The following CACNB1 variants were observed in gnomAD, a reference collection of about 807,000 sequenced individuals.
CACNB1 encodes voltage-dependent L-type calcium channel subunit beta-1.
In CACNB1, 29 loss-of-function variants were observed where a neutral mutation model predicts 71.6. The observed-to-expected ratio is 0.40, with a 90% CI of 0.30 to 0.55. CACNB1 has a LOEUF of 0.55. CACNB1 is among the 20% of genes least tolerant of loss of function. CACNB1 has a pLI of 0.38. For missense variants in CACNB1, 623 were observed against 801.8 expected (o/e 0.78, Z 2.69); for synonymous variants, 300 against 319.6 (o/e 0.94, Z 0.65).
At position 39,197,557 on chromosome 17, in the gene CACNB1, G is replaced by A; in HGVS notation, c.-62C>T. On this transcript the variant is annotated 5_prime_UTR_variant, in exon 1 of 14. Transcript: ENST00000394303. The stretch of plus-strand genomic sequence containing the variant: ...AGCCGGGCTCCCTCAGCGCATGGGA[G>A]AGGCCGTGGGAGCCGAAAGCAGCGC... 7.9e-7 allele frequency: 1 copy of A among 1,270,330 alleles called. No homozygotes were observed. Among genetic ancestry groups the A allele is most frequent in the Non-Finnish European group, 1.1e-6 (1 of 942,322 alleles). The allele number at this position is 1,270,330 out of a possible 1,614,324, so 78.7% of individuals were successfully genotyped here.
At chr17:39,179,803 C>T (rs1331446724) in intron 11 of CACNB1, among the ~76,000 whole-genome samples, 2 of 151,626 alleles carry the variant, frequency 1.3e-5, no homozygotes, top group Non-Finnish European at 2.9e-5. Flanking sequence ...CAGCTACTCA[C>T]GAGGCTGAGG....
intron 3 of CACNB1, among the ~76,000 whole-genome samples, chr17:39,189,749 C>A (rs1331313721): frequency 2.0e-5 from 3 of 151,602 alleles, no homozygotes; most frequent in Non-Finnish European, 4.4e-5. Flanking sequence ...CCACCCACCT[C>A]AGCCTCCCAA....
chr17:39,178,547 T>C (rs919962361), intron 11 of CACNB1, among the ~76,000 whole-genome samples: 1 of 151,852 alleles, frequency 6.6e-6, no homozygotes, highest in Non-Finnish European at 1.5e-5. Context: ...ACCCCACTAA[T>C]TTTTTTTAAT....
chr17:39,184,876 A>C lies in CACNB1; in HGVS notation c.649-12T>G. ...GGCACATGCTCTGTCTGGGGGGGGA[A>C]GCAGGGAGGGGAAACCCCAGAGTGG... On this transcript the variant is annotated splice_polypyrimidine_tract_variant and intron_variant, in intron 7 of 13. Coordinates refer to ENST00000394303, the MANE Select transcript of CACNB1 (RefSeq NM_000723.5). 2.7e-6 allele frequency: 4 copies of C among 1,483,236 alleles called. No individual in the cohort carries two copies. The highest frequency in any genetic ancestry group is 3.8e-6 in the Non-Finnish European group (4 of 1,060,886). 91.9% of individuals were successfully genotyped at this position (1,483,236 alleles called of 1,614,324 possible).
intron 11 of CACNB1, among the ~76,000 whole-genome samples, chr17:39,183,337 A>AAAGAAGAAGAAGAAGAAGAAGAAG (rs35982951): frequency 3.1e-5 from 4 of 130,288 alleles, no homozygotes; most frequent in East Asian, 2.1e-4. Context: ...GACTTAAAAA[A>AAAGAAGAAGAAGAAGAAGAAGAAG]AAGAAGAAGA....
chr17:39,195,834 G>A (rs1019814400), intron 1 of CACNB1, among the ~76,000 whole-genome samples: 6 of 152,126 alleles, frequency 3.9e-5, no homozygotes, highest in African/African-American at 1.4e-4. Context: ...CCTCGGCCCC[G>A]CACCACATGA....
rs753727977 is a variant in CACNB1 at position 39,191,514 on chromosome 17, T to C, written c.251A>G (p.Glu84Gly). 6.2e-7 allele frequency: 1 copy of C among 1,609,450 alleles called. No individual in the cohort carries two copies. Among genetic ancestry groups the C allele is most frequent in the Non-Finnish European group, 8.5e-7 (1 of 1,178,674 alleles). Residue 84 changes from glutamate to glycine, a missense_variant, in exon 3 of 14, where the codon GAA (glutamate) becomes GGA (glycine). Coordinates refer to ENST00000394303, the MANE Select transcript of CACNB1 (RefSeq NM_000723.5). ...LEEDREALRK[E>G]AERQALAQLE... ...CTGCGCTAATGCCTGGCGCTCTGCT[T>C]CCTTCCTTAAGGCTTCCCGGTCCTC...
intron 6 of CACNB1, among the ~76,000 whole-genome samples, chr17:39,185,400 T>A (rs1240203503): frequency 6.6e-6 from 1 of 151,990 alleles, no homozygotes; most frequent in East Asian, 1.9e-4. Context: ...GTCCAGTGGA[T>A]GTGGGAATAT....
chr17:39,187,014 C>T, intron 4 of CACNB1, 85 bp from the exon 5 acceptor site: 1 of 1,459,058 alleles, frequency 6.9e-7, no homozygotes, highest in South Asian at 1.2e-5. Flanking sequence ...GGGAAACGCC[C>T]AGACTCACCT....
In CACNB1 at chr17:39,184,702, C is replaced by T. The variant is rs565667460; in HGVS notation, c.729+82G>A. The T allele has an allele frequency of 1.1e-5, 11 of 1,001,230 alleles. No homozygotes were observed. The East Asian group carries it at 1.4e-4, about 13-fold the overall frequency. The allele number at this position is 1,001,230 out of a possible 1,614,324, so 62.0% of individuals were successfully genotyped here. On this transcript the variant is annotated intron_variant, in intron 8 of 13. Coordinates refer to ENST00000394303, the MANE Select transcript of CACNB1 (RefSeq NM_000723.5). ...CCCTCCTGGGAGGATGCCTTGGGAT[C>T]GGGCCCTTCTAGGGGATCTCTCTGG...
Position 39,186,280 on chromosome 17 carries a change from C to CAG in CACNB1, c.628+214_628+215dup, listed in dbSNP as rs778129938. ...ATGGGGGCAGGGCAGGGGAATCAGGCAGAGAGATGGAGCTACCAAAGAAAA... is the reference window on the plus strand; with the variant it reads ...ATGGGGGCAGGGCAGGGGAATCAGGCAGAGAGAGATGGAGCTACCAAAGAAAA... On this transcript the variant is annotated intron_variant, in intron 6 of 13. Transcript: ENST00000394303. This position sits in a 1 kb window ranked among gnomAD's most constrained non-coding sequence, Gnocchi z 4.1. 170 of 637,896 alleles carry CAG rather than the reference C, an allele frequency of 2.7e-4. No homozygotes were observed. The highest frequency in any genetic ancestry group is 4.3e-4 in the Non-Finnish European group (157 of 364,318). 39.5% of individuals were successfully genotyped at this position (637,896 alleles called of 1,614,324 possible).
intron 1 of CACNB1, 30 bp downstream of exon 1, chr17:39,197,382 C>T: frequency 7.1e-7 from 1 of 1,404,474 alleles, no homozygotes; most frequent in Non-Finnish European, 9.4e-7. Context: ...GAGCGACCCC[C>T]TCCCGTTGGG....
In CACNB1 at chr17:39,197,627, T is replaced by C; in HGVS notation, c.-132A>G. 1 of 633,258 alleles carries C rather than the reference T, an allele frequency of 1.6e-6. No individual in the cohort carries two copies. Among genetic ancestry groups the C allele is most frequent in the South Asian group, 2.0e-5 (1 of 49,318 alleles). The allele number at this position is 633,258 out of a possible 1,614,324, so 39.2% of individuals were successfully genotyped here. ...CCAGCCACCCAGCTCGGCCTTCGGC[T>C]GCCTCCTTCCTGCCTTCCCTCGCTC... On this transcript the variant is annotated 5_prime_UTR_variant, in exon 1 of 14. Transcript: ENST00000394303.
chr17:39,188,056 A>G (rs2045983236), intron 3 of CACNB1, among the ~76,000 whole-genome samples: 1 of 137,468 alleles, frequency 7.3e-6, no homozygotes, highest in African/African-American at 3.0e-5. Flanking sequence ...ACACTTTGGG[A>G]GGCCAAGGCA....
intron 11 of CACNB1, among the ~76,000 whole-genome samples, chr17:39,182,724 TAA>T (rs2045807262): frequency 3.3e-5 from 5 of 150,288 alleles, no homozygotes; most frequent in South Asian, 2.1e-4. Flanking sequence ...AATAAATAAA[TAA>T]ATAAATAAAT....
intron 11 of CACNB1, among the ~76,000 whole-genome samples, chr17:39,179,007 A>T (rs552117119): frequency 2.1e-4 from 32 of 152,252 alleles, no homozygotes; most frequent in African/African-American, 6.0e-4. Context: ...AAAGAAAACT[A>T]TACTGGCTGG....
chr17:39,177,580 T>C (rs757601138), intron 12 of CACNB1, 45 bp from the exon 13 acceptor site: 1 of 1,505,374 alleles, frequency 6.6e-7, no homozygotes. Context: ...GAGTGGGGCA[T>C]GGCCAAGGGG....
At chr17:39,190,572 C>T (rs1020267474) in intron 3 of CACNB1, among the ~76,000 whole-genome samples, 4 of 151,874 alleles carry the variant, frequency 2.6e-5, no homozygotes, top group East Asian at 2.0e-4. Context: ...GGATTACAGG[C>T]GTACACCACC....
intron 1 of CACNB1, 36 bp downstream of exon 1, chr17:39,197,376 G>A (rs2046223253): frequency 1.5e-6 from 2 of 1,367,078 alleles, no homozygotes; most frequent in South Asian, 1.5e-5. Context: ...CCGCGGGAGC[G>A]ACCCCCTCCC....
Sources: allele counts gnomAD v4.1 joint callset (sites outside exome capture counted in the v4.1 genomes callset), GRCh38; gene constraint gnomAD v4.1.1; non-coding constraint Gnocchi (gnomAD v3.1); transcripts MANE v1.5; gene names NCBI Gene and HGNC (gene_info 2026-07-23, HGNC 2026-07-21).